The following TPD52L1 variants were observed in gnomAD, a reference collection of about 807,000 sequenced individuals.
TPD52L1 encodes tumor protein D53.
Under a neutral mutation model 28.7 loss-of-function variants are expected in TPD52L1, and 18 were observed. The observed-to-expected ratio is 0.63, with a 90% CI of 0.43 to 0.93. The LOEUF is 0.93. Ranked by LOEUF, TPD52L1 falls within the 40% of genes least tolerant of loss-of-function variation. The probability of loss-of-function intolerance (pLI) is 0.00; values close to 1 mark genes in which losing one functional copy is unlikely to be tolerated. For missense variants in TPD52L1, 203 were observed against 254.8 expected (o/e 0.80, Z 1.39); for synonymous variants, 75 against 88.8 (o/e 0.84, Z 0.88).
At chr6:125,241,546 G>A (rs780783699) in intron 3 of TPD52L1, among the ~76,000 whole-genome samples, 3 of 151,866 alleles carry the variant, frequency 2.0e-5, no homozygotes, top group Non-Finnish European at 2.9e-5. Flanking sequence ...ATTTCATCTA[G>A]GAGGGTTGTA....
chr6:125,168,039 T>C (rs1237237521), intron 1 of TPD52L1, among the ~76,000 whole-genome samples: 2 of 152,204 alleles, frequency 1.3e-5, no homozygotes, highest in Non-Finnish European at 2.9e-5. Flanking sequence ...GGGAAATAGA[T>C]CAGTTCTATC....
At chr6:125,197,737 C>T (rs1562265216) in intron 1 of TPD52L1, among the ~76,000 whole-genome samples, 1 of 152,046 alleles carries the variant, frequency 6.6e-6, no homozygotes, top group Non-Finnish European at 1.5e-5. Flanking sequence ...GGGGTTGCCC[C>T]ATCCAATTTT....
At chr6:125,171,544 G>T (rs889765929) in intron 1 of TPD52L1, among the ~76,000 whole-genome samples, 2 of 152,144 alleles carry the variant, frequency 1.3e-5, no homozygotes, top group Non-Finnish European at 2.9e-5. Context: ...AAACAGTCGA[G>T]TTGGAGAAAC....
At chr6:125,216,529 G>GTATATA (rs56135453) in intron 1 of TPD52L1, among the ~76,000 whole-genome samples, 48 of 69,040 alleles carry the variant, frequency 7.0e-4, no homozygotes, top group Non-Finnish European at 8.2e-4. Context: ...GTATGTGTGT[G>GTATATA]TATATATATA....
At chr6:125,217,977 A>C (rs1794992125) in intron 1 of TPD52L1, among the ~76,000 whole-genome samples, 1 of 152,102 alleles carries the variant, frequency 6.6e-6, no homozygotes, top group Admixed American at 6.5e-5. Context: ...CAGTATGCTT[A>C]TGTATTGTCC....
chr6:125,200,961 A>G (rs1793766399), intron 1 of TPD52L1, among the ~76,000 whole-genome samples: 2 of 152,206 alleles, frequency 1.3e-5, no homozygotes, highest in Non-Finnish European at 2.9e-5. Context: ...GGGACAGGGA[A>G]GTTTTTAGCA....
intron 1 of TPD52L1, among the ~76,000 whole-genome samples, chr6:125,190,895 C>T (rs1038350351): frequency 3.8e-4 from 58 of 152,150 alleles, no homozygotes; most frequent in Non-Finnish European, 7.4e-4. Flanking sequence ...TCCTGCTGTG[C>T]GGCCTTGTTC....
In TPD52L1 at chr6:125,220,073, T is replaced by G. The variant is rs1795135934; in HGVS notation, c.20-5T>G. ...TGCCTTCTGTTTTATCAATTCTGCCTAAAGGTTTGTTGGAGACTGAACCGT... is the reference window on the plus strand; with the variant it reads ...TGCCTTCTGTTTTATCAATTCTGCCGAAAGGTTTGTTGGAGACTGAACCGT... On this transcript the variant is annotated splice_region_variant and splice_polypyrimidine_tract_variant and intron_variant, in intron 1 of 6. Coordinates refer to ENST00000534000, the MANE Select transcript of TPD52L1 (RefSeq NM_003287.4). The G allele has an allele frequency of 1.9e-6, 3 of 1,609,196 alleles. No individual in the cohort carries two copies. Among genetic ancestry groups the G allele is most frequent in the Non-Finnish European group, 2.6e-6 (3 of 1,175,664 alleles).
rs560937469 is a variant in TPD52L1 at position 125,248,174 on chromosome 6, C to G, written c.285-108C>G. 3 of 906,516 alleles carry G rather than the reference C, an allele frequency of 3.3e-6. No homozygotes were observed. The South Asian group carries it at 4.7e-5, about 14-fold the overall frequency. 56.2% of individuals were successfully genotyped at this position (906,516 alleles called of 1,614,324 possible). ...AACAGTGGTTTTGTGGATCTTCTTCCTAAATCTGTTGAGGAAAGGACATTT... is the reference window on the plus strand; with the variant it reads ...AACAGTGGTTTTGTGGATCTTCTTCGTAAATCTGTTGAGGAAAGGACATTT... On this transcript the variant is annotated intron_variant, in intron 3 of 6. Transcript: ENST00000534000.
chr6:125,222,274 A>T (rs1422460477), intron 2 of TPD52L1, among the ~76,000 whole-genome samples: 1 of 152,190 alleles, frequency 6.6e-6, no homozygotes, highest in Non-Finnish European at 1.5e-5. Flanking sequence ...GAGGCCTCCT[A>T]TAGAGTCAGC....
At chr6:125,206,413 A>G (rs1000161050) in intron 1 of TPD52L1, among the ~76,000 whole-genome samples, 10 of 152,204 alleles carry the variant, frequency 6.6e-5, no homozygotes, top group Non-Finnish European at 1.5e-4. Flanking sequence ...AGATGAAAAA[A>G]TATTTTAGAT....
At position 125,163,977 on chromosome 6, in the gene TPD52L1, A is replaced by G. The variant is rs1297673278; in HGVS notation, c.19+10007A>G. 2.0e-5 allele frequency among the ~76,000 whole-genome samples: 3 copies of G among 152,080 alleles called. 1 individual carries two copies. The highest frequency in any genetic ancestry group is 2.0e-4 in the Admixed American group (3 of 15,264). ...AATAATAATAACAAACTCACAAGGA[A>G]GGTAACATTTTGGTTTTACAGATGA... On this transcript the variant is annotated intron_variant, in intron 1 of 6. Transcript: ENST00000534000.
chr6:125,200,339 A>T (rs1271551981), intron 1 of TPD52L1, among the ~76,000 whole-genome samples: 1 of 152,252 alleles, frequency 6.6e-6, no homozygotes, highest in Non-Finnish European at 1.5e-5. Context: ...CTTTGTAAAG[A>T]ATCTATTTGA....
chr6:125,183,582 G>A (rs1792370600), intron 1 of TPD52L1, among the ~76,000 whole-genome samples: 1 of 152,232 alleles, frequency 6.6e-6, no homozygotes, highest in Admixed American at 6.5e-5. Context: ...GCCTTGAGTA[G>A]AAGCACATGA....
chr6:125,194,383 A>T (rs1793275895), intron 1 of TPD52L1, among the ~76,000 whole-genome samples: 1 of 152,154 alleles, frequency 6.6e-6, no homozygotes, highest in African/African-American at 2.4e-5. Flanking sequence ...CCAAGAAAGT[A>T]GTGTTTTCTT....
chr6:125,256,309 C>T (rs901237669), intron 5 of TPD52L1, among the ~76,000 whole-genome samples: 8 of 151,816 alleles, frequency 5.3e-5, no homozygotes, highest in African/African-American at 1.9e-4. Flanking sequence ...AAGATCAGTT[C>T]ACTGTATTCC....
At chr6:125,154,050 T>C in intron 1 of TPD52L1, 80 bp downstream of exon 1, 1 of 1,537,652 alleles carries the variant, frequency 6.5e-7, no homozygotes, top group Non-Finnish European at 8.8e-7. Context: ...CTAACTTCGC[T>C]CTCGGACAGA....
intron 6 of TPD52L1, among the ~76,000 whole-genome samples, chr6:125,258,537 AGACAAGTTCTGACAAAG>A (rs1797739536): frequency 6.6e-6 from 1 of 152,356 alleles, no homozygotes; most frequent in East Asian, 1.9e-4. Flanking sequence ...ATTGCTTGTT[AGACAAGTTCTGACAAAG>A]GACAAGTTGT....
chr6:125,172,736 T>C (rs1791577807), intron 1 of TPD52L1, among the ~76,000 whole-genome samples: 1 of 150,092 alleles, frequency 6.7e-6, no homozygotes, highest in Non-Finnish European at 1.5e-5. Context: ...CAAGATATTT[T>C]GCTGTTGGTC....
Sources: gnomAD v4.1 joint callset for allele counts (sites outside exome capture counted in the v4.1 genomes callset) on GRCh38, gnomAD v4.1.1 for gene constraint, MANE v1.5 for transcripts, NCBI Gene and HGNC (gene_info 2026-07-23, HGNC 2026-07-21) for gene names.